The following CNTN5 variants were observed in gnomAD, a reference collection of about 807,000 sequenced individuals.
The protein encoded by CNTN5 is contactin-5.
A neutral mutation model predicts 129.1 loss-of-function variants in CNTN5; 77 were observed. The ratio of observed to expected loss-of-function variants is 0.60; its 90% CI spans 0.50 to 0.72. CNTN5 has a LOEUF of 0.72. Ranked by LOEUF, CNTN5 falls within the 30% of genes least tolerant of loss-of-function variation. The probability of loss-of-function intolerance (pLI) is 0.00; values close to 1 mark genes in which losing one functional copy is unlikely to be tolerated. For synonymous variants in CNTN5, 509 were observed against 465.6 expected, an observed-to-expected ratio of 1.09 and a Z score of -1.20; for missense variants, 1,478 against 1,328.8, an observed-to-expected ratio of 1.11 and a Z score of -1.75.
At chr11:99,990,373 ATG>A in intron 8 of CNTN5, among the ~76,000 whole-genome samples, 16 of 151,340 alleles carry the variant, frequency 1.1e-4, no homozygotes, top group African/African-American at 3.4e-4. Flanking sequence ...TATTTTTAGA[ATG>A]TATTTATTGG....
chr11:100,308,338 G>C (rs369139853), intron 20 of CNTN5, 21 bp from the exon 21 acceptor site: 63 of 1,598,234 alleles, frequency 3.9e-5, no homozygotes, highest in Non-Finnish European at 5.3e-5. Flanking sequence ...TTATAATTGT[G>C]GTTTATTTTC....
chr11:99,050,815 T>C (rs1168845327), intron 1 of CNTN5, among the ~76,000 whole-genome samples: 1 of 151,922 alleles, frequency 6.6e-6, no homozygotes, highest in Non-Finnish European at 1.5e-5. Context: ...TATACAATAA[T>C]ACTTTTCCGA....
At chr11:99,990,433 T>C (rs1938993710) in intron 8 of CNTN5, among the ~76,000 whole-genome samples, 1 of 133,042 alleles carries the variant, frequency 7.5e-6, no homozygotes, top group Non-Finnish European at 1.5e-5. Context: ...TTGGCTTCCC[T>C]TATTTTTAGA....
chr11:99,710,528 G>A (rs1430002486), intron 3 of CNTN5, among the ~76,000 whole-genome samples: 2 of 151,176 alleles, frequency 1.3e-5, no homozygotes, highest in South Asian at 2.1e-4. Flanking sequence ...GGCCCCTACT[G>A]CAGAGTTCCT....
intron 3 of CNTN5, among the ~76,000 whole-genome samples, chr11:99,599,616 T>G (rs920707862): frequency 6.6e-6 from 1 of 152,156 alleles, no homozygotes; most frequent in Non-Finnish European, 1.5e-5. Context: ...TTTTATCACA[T>G]ATTAATCTCC....
intron 3 of CNTN5, among the ~76,000 whole-genome samples, chr11:99,721,740 A>T (rs7925159): frequency 0.28 from 42,473 of 152,094 alleles, 6,420 homozygotes; most frequent in South Asian, 0.55. Context: ...TGCCTCTGAC[A>T]AAGGTCCAAT....
At position 99,858,269 on chromosome 11, in the gene CNTN5, C is replaced by T. The variant is rs74862711; in HGVS notation, c.577+13007C>T. ...TATAAACTGTCAGTAAAGAGCATCACGAGGTCATTTATATCAATTCTGTTT... is the reference window on the plus strand; with the variant it reads ...TATAAACTGTCAGTAAAGAGCATCATGAGGTCATTTATATCAATTCTGTTT... On this transcript the variant is annotated intron_variant, in intron 6 of 24. Coordinates refer to ENST00000524871, the MANE Select transcript of CNTN5 (RefSeq NM_014361.4). Among the ~76,000 whole-genome samples the T allele has an allele frequency of 7.0e-3, 1,067 of 152,150 alleles. 18 individuals are homozygous for T. Among genetic ancestry groups the T allele is most frequent in the African/African-American group, 0.024 (990 of 41,542 alleles).
chr11:99,069,977 C>T (rs1240761006), intron 1 of CNTN5, among the ~76,000 whole-genome samples: 2 of 152,164 alleles, frequency 1.3e-5, no homozygotes, highest in Non-Finnish European at 2.9e-5. Flanking sequence ...ACAGAGCTCC[C>T]TCTTCCGATA....
chr11:99,837,997 C>T (rs1947359981), intron 4 of CNTN5, among the ~76,000 whole-genome samples: 2 of 151,990 alleles, frequency 1.3e-5, no homozygotes, highest in Non-Finnish European at 2.9e-5. Flanking sequence ...TTATAAAATA[C>T]AGAAAATATG....
At chr11:100,243,711 A>G (rs79194885) in intron 16 of CNTN5, among the ~76,000 whole-genome samples, 1,873 of 152,250 alleles carry the variant, frequency 0.012, 35 homozygotes, top group African/African-American at 0.043. Flanking sequence ...CTCAGCACCA[A>G]TAAAATTGTG....
chr11:99,371,010 G>A (rs971296065), intron 2 of CNTN5, among the ~76,000 whole-genome samples: 2 of 152,146 alleles, frequency 1.3e-5, no homozygotes, highest in African/African-American at 4.8e-5. Context: ...ATCGGGAATA[G>A]CTTGCTCTGC....
intron 2 of CNTN5, among the ~76,000 whole-genome samples, chr11:99,428,812 C>A (rs1468231400): frequency 6.6e-6 from 1 of 151,930 alleles, no homozygotes; most frequent in Admixed American, 6.6e-5. Flanking sequence ...AAGTTATTTT[C>A]CTGTTAACAA....
At chr11:99,225,627 A>G (rs1860642823) in intron 1 of CNTN5, among the ~76,000 whole-genome samples, 2 of 152,228 alleles carry the variant, frequency 1.3e-5, no homozygotes, top group South Asian at 2.1e-4. Flanking sequence ...AATTCTCACT[A>G]CCAAATCTGC....
intron 2 of CNTN5, among the ~76,000 whole-genome samples, chr11:99,461,310 C>T (rs2135233712): frequency 6.6e-6 from 1 of 152,146 alleles, no homozygotes; most frequent in Non-Finnish European, 1.5e-5. Flanking sequence ...ATAATTCTTT[C>T]TTATGCAGGT....
At chr11:99,689,714 C>T (rs922102702) in intron 3 of CNTN5, among the ~76,000 whole-genome samples, 1 of 151,602 alleles carries the variant, frequency 6.6e-6, no homozygotes, top group Non-Finnish European at 1.5e-5. Flanking sequence ...ATTTCCTGGC[C>T]ACATGTATGT....
At chr11:100,352,118 G>A (rs894873468) in intron 24 of CNTN5, among the ~76,000 whole-genome samples, 1 of 151,476 alleles carries the variant, frequency 6.6e-6, no homozygotes, top group African/African-American at 2.4e-5. Context: ...CATCACCCAG[G>A]TATTAAGCCT....
chr11:100,340,792 C>A (rs1591528292), intron 22 of CNTN5, 143 bp downstream of exon 22: 1 of 746,258 alleles, frequency 1.3e-6, no homozygotes, highest in African/African-American at 1.8e-5. Context: ...GATCTGAATC[C>A]TCAAACTAGC....
At chr11:99,373,478 C>T (rs1268562468) in intron 2 of CNTN5, among the ~76,000 whole-genome samples, 4 of 151,852 alleles carry the variant, frequency 2.6e-5, no homozygotes, top group South Asian at 2.1e-4. Context: ...CTTTGGGAGG[C>T]CGAGGTGGGT....
At chr11:99,336,796 C>T (rs181254307) in intron 2 of CNTN5, among the ~76,000 whole-genome samples, 23 of 151,700 alleles carry the variant, frequency 1.5e-4, no homozygotes, top group Admixed American at 1.1e-3. Context: ...CCATTGCACT[C>T]CAGCCTGGGT....
Sources: gnomAD v4.1 joint callset for allele counts (sites outside exome capture counted in the v4.1 genomes callset) on GRCh38, gnomAD v4.1.1 for gene constraint, MANE v1.5 for transcripts, NCBI Gene and HGNC (gene_info 2026-07-23, HGNC 2026-07-21) for gene names.